Variants in SRCAP observed in about 807,000 individuals in gnomAD.
SRCAP encodes Snf2 related CREBBP activator protein, also known as chromatin remodeling protein SRCAP.
In SRCAP, 46 loss-of-function variants were observed where a neutral mutation model predicts 263.1. The ratio of observed to expected loss-of-function variants is 0.17; its 90% CI spans 0.14 to 0.22. SRCAP has a LOEUF of 0.22. SRCAP is among the 10% of genes least tolerant of loss of function. The probability of loss-of-function intolerance (pLI) is 1.00; values close to 1 mark genes in which losing one functional copy is unlikely to be tolerated. For synonymous variants in SRCAP, 1,813 were observed against 1,662.1 expected, an observed-to-expected ratio of 1.09 and a Z score of -2.21; for missense variants, 3,695 against 4,181.9, an observed-to-expected ratio of 0.88 and a Z score of 3.21.
In SRCAP at chr16:30,721,170, GTTTGC is replaced by G. The variant is rs1376867495; in HGVS notation, c.3254-14_3254-10del. ...TTTAGTCAGGGTATATCTGACAGGT[GTTTGC>G]TTTGTGTCTGCAGTGTTGCCATCCC... On this transcript the variant is annotated splice_polypyrimidine_tract_variant and intron_variant, in intron 20 of 33. Coordinates refer to ENST00000262518, the MANE Select transcript of SRCAP (RefSeq NM_006662.3). 6.3e-7 allele frequency: 1 copy of G among 1,585,012 alleles called. No homozygotes were observed. Among genetic ancestry groups the G allele is most frequent in the Admixed American group, 1.7e-5 (1 of 58,040 alleles).
chr16:30,728,151 T>C (rs1239469756), intron 25 of SRCAP, among the ~76,000 whole-genome samples: 1 of 152,230 alleles, frequency 6.6e-6, no homozygotes, highest in African/African-American at 2.4e-5. Flanking sequence ...CACTCCTCTT[T>C]TCACAACTAT....
At chr16:30,712,899 CCT>C in intron 14 of SRCAP, 84 bp downstream of exon 14, 7 of 1,509,136 alleles carry the variant, frequency 4.6e-6, no homozygotes, top group Non-Finnish European at 6.2e-6. Context: ...TCCTTTCTCT[CCT>C]CTTTCTTTTT....
At chr16:30,734,869 C>T (rs1005891413) in intron 31 of SRCAP, among the ~76,000 whole-genome samples, 4 of 152,100 alleles carry the variant, frequency 2.6e-5, no homozygotes, top group East Asian at 1.9e-4. Flanking sequence ...AGACAAGTTA[C>T]AATCGTCACT....
chr16:30,737,441 C>T lies in SRCAP; in HGVS notation c.7401C>T (p.Pro2467=), dbSNP rs1438405588. ...CTGTCCCAGTTTCTGCCCCAGTACC[C>T]ATTTCAGCCCCAAATCCAATAACCA... ...LVPVPVSAPV[P]ISAPNPITIL... is the part of the protein sequence containing the mutation. Residue 2467 remains proline (P), a synonymous_variant, in exon 34 of 34, where the codon CCC becomes CCT. Coordinates refer to ENST00000262518, the MANE Select transcript of SRCAP (RefSeq NM_006662.3). 1.9e-6 allele frequency: 3 copies of T among 1,594,366 alleles called. No homozygotes were observed. Among genetic ancestry groups the T allele is most frequent in the East Asian group, 2.3e-5 (1 of 43,708 alleles).
Position 30,734,549 on chromosome 16 carries a change from C to G in SRCAP, c.6663C>G (p.Ser2221=), listed in dbSNP as rs755312139. ...DMPLEEPSSS[S]VPSAPEEEEE... ...CCCTGGAGGAACCTTCTAGCTCATC[C>G]GTGCCCTCTGCCCCTGAAGAGGAGG... The change falls in exon 31 of 34, where the codon TCC becomes TCG. Residue 2221 remains serine, a synonymous_variant. Transcript: ENST00000262518. 6.9e-5 allele frequency: 111 copies of G among 1,613,828 alleles called. No homozygotes were observed. Among genetic ancestry groups the G allele is most frequent in the Non-Finnish European group, 9.0e-5 (106 of 1,180,008 alleles).
intron 25 of SRCAP, among the ~76,000 whole-genome samples, chr16:30,728,742 A>G (rs1258580533): frequency 6.6e-6 from 1 of 152,216 alleles, no homozygotes; most frequent in Non-Finnish European, 1.5e-5. Flanking sequence ...GTTACTTAAC[A>G]TAACTTCTGA....
chr16:30,724,710 A>G lies in SRCAP; in HGVS notation c.5286A>G (p.Pro1762=). 2 of 1,614,058 alleles carry G rather than the reference A, an allele frequency of 1.2e-6. No individual in the cohort carries two copies. The highest frequency in any genetic ancestry group is 1.7e-6 in the Non-Finnish European group (2 of 1,179,992). ...TGGCTCCAGCTTCTCCAGTGGGCCC[A>G]GCCCCAGCTCACACGCTGACTTTGG... ...PPLAPASPVG[P]APAHTLTLAP... The change falls in exon 25 of 34, where the codon CCA becomes CCG. Residue 1762 remains proline, a synonymous_variant. Transcript: ENST00000262518.
At position 30,706,736 on chromosome 16, in the gene SRCAP, G is replaced by A. The variant is rs1281343128; in HGVS notation, c.307-447G>A. Among the ~76,000 whole-genome samples, 4 of 152,186 alleles carry A rather than the reference G, an allele frequency of 2.6e-5. No individual in the cohort carries two copies. In the East Asian group the frequency reaches 7.7e-4, roughly 29 times the overall value. ...TGCATCATGAAAATACTCTGAGTAA[G>A]TAGAATTCTACAATGATGATGACCC... On this transcript the variant is annotated intron_variant, in intron 4 of 33. Transcript: ENST00000262518.
intron 18 of SRCAP, among the ~76,000 whole-genome samples, chr16:30,719,748 A>G (rs2052991655): frequency 6.6e-6 from 1 of 152,074 alleles, no homozygotes; most frequent in Non-Finnish European, 1.5e-5. Context: ...TCCTGGGGTC[A>G]CACAGTTCCC....
chr16:30,739,884 G>A lies in SRCAP; in HGVS notation c.*151G>A. The A allele has an allele frequency of 8.0e-7, 1 of 1,248,914 alleles. No homozygotes were observed. Among genetic ancestry groups the A allele is most frequent in the Non-Finnish European group, 1.1e-6 (1 of 946,642 alleles). 77.4% of individuals were successfully genotyped at this position (1,248,914 alleles called of 1,614,324 possible). A position where few individuals can be genotyped will look rare whatever the true frequency, so the allele number is the denominator to read the frequency against. The stretch of plus-strand genomic sequence containing the variant: ...CTTCTTCCCACCAAAGTAGGGGGTA[G>A]GCAACTGGTTGTCATGGAAATGGGG... On this transcript the variant is annotated 3_prime_UTR_variant, in exon 34 of 34. Transcript: ENST00000262518.
rs752730151 is a variant in SRCAP, at chr16:30,707,381, C to T, written c.492+13C>T. 3 of 1,612,244 alleles carry T rather than the reference C, an allele frequency of 1.9e-6. No homozygotes were observed. Among genetic ancestry groups the T allele is most frequent in the Non-Finnish European group, 2.5e-6 (3 of 1,178,834 alleles). On this transcript the variant is annotated intron_variant, in intron 5 of 33. Transcript: ENST00000262518. ...TGTGGCCCGGAAGGTAGGTCTTCCGCTGGGACTTCCTTCCTTTTCCTTTTC... is the reference window on the plus strand; with the variant it reads ...TGTGGCCCGGAAGGTAGGTCTTCCGTTGGGACTTCCTTCCTTTTCCTTTTC...
Position 30,733,904 on chromosome 16 carries a change from G to C in SRCAP, c.6505G>C (p.Glu2169Gln), listed in dbSNP as rs780594137. ...TTCATCACCCCCTAGGCTTATCAGT[G>C]AACGGACAGTGGAGGAGAACATCCT... ...RDVHIYRLIS[E>Q]RTVEENILKK... Residue 2169 changes from glutamate to glutamine, a missense_variant, in exon 30 of 34, where the codon GAA (glutamate) becomes CAA (glutamine). Around this residue, in one of 12 missense-constraint regions of SRCAP, gnomAD observed 138 missense variants for 254.9 expected, o/e 0.54. Transcript: ENST00000262518. This position sits in a 1 kb window ranked among gnomAD's most constrained non-coding sequence, Gnocchi z 5.3. 3.7e-6 allele frequency: 6 copies of C among 1,613,998 alleles called. No homozygotes were observed. In the South Asian group the frequency reaches 6.6e-5, roughly 18 times the overall value.
rs997346786 is a variant in SRCAP at position 30,739,894 on chromosome 16, T to G, written c.*161T>G. Reference sequence around the variant, plus strand: ...CCAAAGTAGGGGGTAGGCAACTGGTTGTCATGGAAATGGGGATCATCACAG... The same window carrying G: ...CCAAAGTAGGGGGTAGGCAACTGGTGGTCATGGAAATGGGGATCATCACAG... On this transcript the variant is annotated 3_prime_UTR_variant, in exon 34 of 34. Coordinates refer to ENST00000262518, the MANE Select transcript of SRCAP (RefSeq NM_006662.3). 6.7e-6 allele frequency: 8 copies of G among 1,192,760 alleles called. No individual in the cohort carries two copies. In the Admixed American group the frequency reaches 1.0e-4, roughly 15 times the overall value. The allele number at this position is 1,192,760 out of a possible 1,614,324, so 73.9% of individuals were successfully genotyped here. A position where few individuals can be genotyped will look rare whatever the true frequency, so the allele number is the denominator to read the frequency against.
Position 30,739,138 on chromosome 16 carries a change from T to C in SRCAP, c.9098T>C (p.Leu3033Pro). ...PVLDRDSTSV[L>P]ESCGLGRRRQ... ...TTGGACCGTGACAGCACTTCTGTTC[T>C]CGAGAGCTGTGGATTGGGGAGGCGA... Residue 3033 changes from leucine to proline, a missense_variant, in exon 34 of 34, where the codon CTC becomes CCC. This residue lies in a region of SRCAP where 1,207 missense variants were observed against 1,142.9 expected (regional missense o/e 1.06). Transcript: ENST00000262518. 6.2e-7 allele frequency: 1 copy of C among 1,614,166 alleles called. No homozygotes were observed. Among genetic ancestry groups the C allele is most frequent in the East Asian group, 2.2e-5 (1 of 44,880 alleles).
chr16:30,701,827 C>A (rs115577392), intron 3 of SRCAP, among the ~76,000 whole-genome samples: 2,347 of 151,786 alleles, frequency 0.015, 54 homozygotes, highest in African/African-American at 0.053. Context: ...TGGGGTTTCA[C>A]CATCATGTTG....
chr16:30,735,566 A>AGTT (rs1834553727), intron 31 of SRCAP, among the ~76,000 whole-genome samples: 47 of 46,198 alleles, frequency 1.0e-3, no homozygotes, highest in African/African-American at 3.8e-3. Context: ...TTTTGACATT[A>AGTT]CTTTTTTTTT....
rs144476508 is a variant in SRCAP at position 30,737,893 on chromosome 16, A to G, written c.7853A>G (p.Asn2618Ser). The G allele has an allele frequency of 1.7e-4, 267 of 1,614,084 alleles. No homozygotes were observed. The highest frequency in any genetic ancestry group is 9.2e-4 in the Admixed American group (55 of 60,014). Residue 2618 changes from asparagine to serine, a missense_variant, in exon 34 of 34, where the codon AAT becomes AGT. This residue lies in a region of SRCAP where 1,207 missense variants were observed against 1,142.9 expected (regional missense o/e 1.06). Coordinates refer to ENST00000262518, the MANE Select transcript of SRCAP (RefSeq NM_006662.3). ...ACCTTGGAGGCTGGCAGCATCCCCAATGGTCAAGAGCAGGAGGCACCAGAT... is the reference window on the plus strand; with the variant it reads ...ACCTTGGAGGCTGGCAGCATCCCCAGTGGTCAAGAGCAGGAGGCACCAGAT... ...SLTLEAGSIP[N>S]GQEQEAPDSA...
chr16:30,733,134 C>A lies in SRCAP; in HGVS notation c.6128-146C>A. 2.3e-6 allele frequency: 2 copies of A among 874,840 alleles called. No homozygotes were observed. The highest frequency in any genetic ancestry group is 1.7e-6 in the Non-Finnish European group (1 of 574,192). 54.2% of individuals were successfully genotyped at this position (874,840 alleles called of 1,614,324 possible). Reference sequence around the variant, plus strand: ...TACAGGTGTGAGCCACCATGCCCTGCCGTAGTTAAACATTTTTGATCTGCT... The same window carrying A: ...TACAGGTGTGAGCCACCATGCCCTGACGTAGTTAAACATTTTTGATCTGCT... On this transcript the variant is annotated intron_variant, in intron 27 of 33. Coordinates refer to ENST00000262518, the MANE Select transcript of SRCAP (RefSeq NM_006662.3). The surrounding 1 kb of genome is among the most constrained non-coding windows in gnomAD (Gnocchi z 5.3).
At chr16:30,703,692 C>T (rs568226229) in intron 3 of SRCAP, among the ~76,000 whole-genome samples, 3 of 151,426 alleles carry the variant, frequency 2.0e-5, no homozygotes, top group Admixed American at 6.6e-5. Context: ...GTCAGGAGAT[C>T]GAGACCATCC....
Sources: gnomAD v4.1 joint callset for allele counts (sites outside exome capture counted in the v4.1 genomes callset) on GRCh38, gnomAD v4.1.1 for gene constraint, gnomAD v4.1.1 regional missense constraint, Gnocchi (gnomAD v3.1) non-coding constraint, MANE v1.5 for transcripts, NCBI Gene and HGNC (gene_info 2026-07-23, HGNC 2026-07-21) for gene names.